Variants in PDE6G observed in about 807,000 individuals in gnomAD.
The protein encoded by PDE6G is phosphodiesterase 6G, also known as rod cGMP 3',5'-cyclic phosphodiesterase subunit gamma.
PDE6G carries 10 observed loss-of-function variants against 10.9 expected under a neutral mutation model. The observed-to-expected ratio is 0.91, with a 90% CI of 0.56 to 1.55. The LOEUF is 1.55. PDE6G is among the 40% of genes most tolerant of loss of function. The pLI, the probability that PDE6G is intolerant of heterozygous loss-of-function variation, is 0.00. For synonymous variants in PDE6G, 41 were observed against 42.8 expected, an observed-to-expected ratio of 0.96 and a Z score of 0.16; for missense variants, 102 against 110.1, an observed-to-expected ratio of 0.93 and a Z score of 0.33.
chr17:81,656,631 C>T (rs753644027), upstream of PDE6G: 14 of 710,880 alleles, frequency 2.0e-5, no homozygotes, highest in East Asian at 2.6e-4. Flanking sequence ...TGTTGGGCCC[C>T]GAGGGGGGGC....
chr17:81,651,265 G>A lies in PDE6G; in HGVS notation c.188-115C>T, dbSNP rs999099864. 1 of 776,868 alleles carries A rather than the reference G, an allele frequency of 1.3e-6. No individual in the cohort carries two copies. The highest frequency in any genetic ancestry group is 2.2e-6 in the Non-Finnish European group (1 of 448,560). 48.1% of individuals were successfully genotyped at this position (776,868 alleles called of 1,614,324 possible). A position where few individuals can be genotyped will look rare whatever the true frequency, so the allele number is the denominator to read the frequency against. ...GTAGCCCTACAGTGTGCTGAGCGGGGACGTGCGGACGCTGGAGTGGGGCCC... is the reference window on the plus strand; with the variant it reads ...GTAGCCCTACAGTGTGCTGAGCGGGAACGTGCGGACGCTGGAGTGGGGCCC... On this transcript the variant is annotated intron_variant, in intron 3 of 3. Transcript: ENST00000331056. This position sits in a 1 kb window ranked among gnomAD's most constrained non-coding sequence, Gnocchi z 4.8.
Position 81,653,525 on chromosome 17 carries a change from C to G in PDE6G, c.-59-161G>C. The G allele has an allele frequency of 1.7e-6, 1 of 589,592 alleles. No homozygotes were observed. Among genetic ancestry groups the G allele is most frequent in the Non-Finnish European group, 3.0e-6 (1 of 330,988 alleles). The allele number at this position is 589,592 out of a possible 1,614,324, so 36.5% of individuals were successfully genotyped here. ...CGCCCTGGGGTAACCAGCCTGCCAG[C>G]TTTGCTTGGGTCCACCCGCACGCTC... On this transcript the variant is annotated intron_variant, in intron 1 of 3. Coordinates refer to ENST00000331056, the MANE Select transcript of PDE6G (RefSeq NM_002602.4). This position sits in a 1 kb window ranked among gnomAD's most constrained non-coding sequence, Gnocchi z 5.2.
chr17:81,654,810 C>T (rs1041966419), intron 1 of PDE6G, among the ~76,000 whole-genome samples: 2 of 150,668 alleles, frequency 1.3e-5, no homozygotes, highest in Admixed American at 6.6e-5. Context: ...TGCAGTGGCA[C>T]GATCTCAGCT....
At chr17:81,659,759 G>A (rs11868728), upstream of PDE6G, among the ~76,000 whole-genome samples, 5,656 of 152,164 alleles carry the variant, frequency 0.037, 354 homozygotes, top group African/African-American at 0.13. Context: ...AGCCCTCTAC[G>A]TAATTGCTTG....
chr17:81,651,824 C>T lies in PDE6G; in HGVS notation c.147-139G>A. ...AGTGGGCAGAGACCCGCCTCCTCCCCAACCTCCCAGGGCTTGGCGCATCTG... is the reference window on the plus strand; with the variant it reads ...AGTGGGCAGAGACCCGCCTCCTCCCTAACCTCCCAGGGCTTGGCGCATCTG... On this transcript the variant is annotated intron_variant, in intron 2 of 3. Coordinates refer to ENST00000331056, the MANE Select transcript of PDE6G (RefSeq NM_002602.4). This position sits in a 1 kb window ranked among gnomAD's most constrained non-coding sequence, Gnocchi z 4.8. 1.1e-6 allele frequency: 1 copy of T among 887,044 alleles called. No individual in the cohort carries two copies. The highest frequency in any genetic ancestry group is 2.6e-5 in the East Asian group (1 of 37,990). The allele number at this position is 887,044 out of a possible 1,614,324, so 54.9% of individuals were successfully genotyped here. A position where few individuals can be genotyped will look rare whatever the true frequency, so the allele number is the denominator to read the frequency against.
chr17:81,652,279 T>C (rs990512666), intron 2 of PDE6G, among the ~76,000 whole-genome samples: 2 of 151,938 alleles, frequency 1.3e-5, no homozygotes, highest in Non-Finnish European at 2.9e-5. Context: ...AGTGGTTGTA[T>C]TTTTTTTATT....
chr17:81,656,750 T>G, upstream of PDE6G: 1 of 645,912 alleles, frequency 1.5e-6, no homozygotes, highest in Non-Finnish European at 2.8e-6. Flanking sequence ...AGTGTGACCC[T>G]GAACAGCCAG....
At chr17:81,657,761 A>G (rs932058740), upstream of PDE6G, among the ~76,000 whole-genome samples, 4 of 151,944 alleles carry the variant, frequency 2.6e-5, no homozygotes, top group East Asian at 1.9e-4. Flanking sequence ...TGTACCTGTA[A>G]TCCCAGCTAC....
At position 81,651,598 on chromosome 17, in the gene PDE6G, TG is replaced by T. The variant is rs760726888; in HGVS notation, c.187+46del. On this transcript the variant is annotated intron_variant, in intron 3 of 3. Transcript: ENST00000331056. The surrounding 1 kb of genome is among the most constrained non-coding windows in gnomAD (Gnocchi z 4.8). ...GGGCCCCGGGCGTGCTGGGTGTGCCTGGGGGGACCTGGGCAGACCTCGGGTT... is the reference window on the plus strand; with the variant it reads ...GGGCCCCGGGCGTGCTGGGTGTGCCTGGGGGACCTGGGCAGACCTCGGGTT... 7 of 1,591,736 alleles carry T rather than the reference TG, an allele frequency of 4.4e-6. No individual in the cohort carries two copies. In the Admixed American group the frequency reaches 6.7e-5, roughly 15 times the overall value.
chr17:81,656,425 G>A (rs1440895061), intron 1 of PDE6G, 68 bp downstream of exon 1: 1 of 716,728 alleles, frequency 1.4e-6, no homozygotes, highest in Non-Finnish European at 2.5e-6. Context: ...TGGGTGATGA[G>A]CAGACCCCCA....
At chr17:81,652,093 T>G (rs2036366895) in intron 2 of PDE6G, among the ~76,000 whole-genome samples, 1 of 152,154 alleles carries the variant, frequency 6.6e-6, no homozygotes, top group African/African-American at 2.4e-5. Flanking sequence ...CATGCCCGTG[T>G]GTGCGCACAC....
chr17:81,650,610 A>AC lies in PDE6G; in HGVS notation c.*463dup, dbSNP rs1480608488. 3.1e-5 allele frequency: 14 copies of AC among 454,012 alleles called. No individual in the cohort carries two copies. Among genetic ancestry groups the AC allele is most frequent in the Non-Finnish European group, 2.2e-5 (5 of 226,954 alleles). The allele number at this position is 454,012 out of a possible 1,614,324, so 28.1% of individuals were successfully genotyped here. ...TACCCAGCATGTCCAAACTAAGGGC[A>AC]CCCCCCTGGGAAGGGATGCAGAGAC... is the stretch of plus-strand genomic sequence containing the variant. On this transcript the variant is annotated 3_prime_UTR_variant, in exon 4 of 4. Transcript: ENST00000331056.
intron 1 of PDE6G, among the ~76,000 whole-genome samples, chr17:81,661,956 G>A (rs958288976): frequency 3.3e-5 from 5 of 151,406 alleles, no homozygotes; most frequent in Admixed American, 6.6e-5. Flanking sequence ...ACTTAATCCC[G>A]GGAGGCAGAG....
upstream of PDE6G, among the ~76,000 whole-genome samples, chr17:81,659,890 C>G (rs1332743175): frequency 8.5e-5 from 13 of 152,060 alleles, no homozygotes; most frequent in Admixed American, 8.5e-4. Flanking sequence ...AGTTGGAGAC[C>G]AGCCTGACCA....
Position 81,650,728 on chromosome 17 carries a change from G to A in PDE6G, c.*346C>T, listed in dbSNP as rs1355050837. 36 of 464,100 alleles carry A rather than the reference G, an allele frequency of 7.8e-5. No homozygotes were observed. The highest frequency in any genetic ancestry group is 7.5e-4 in the Admixed American group (32 of 42,730). The allele number at this position is 464,100 out of a possible 1,614,324, so 28.7% of individuals were successfully genotyped here. ...CCTGCCCTAGCTTTCCAGCTGGGAG[G>A]AGGGGACGATCTGGGGTCCAGCAGG... On this transcript the variant is annotated 3_prime_UTR_variant, in exon 4 of 4. Transcript: ENST00000331056.
In PDE6G at chr17:81,653,252, C is replaced by G; in HGVS notation, c.54G>C (p.Gly18=). The part of the protein sequence containing the change: ...AEFRSATRVA[G]GPVTPRKGPP... Reference sequence around the variant, plus strand: ...GCCCTTTCCTGGGGGTGACAGGTCCCCCGGCCACCCTGGTGGCTGACCGGA... The same window carrying G: ...GCCCTTTCCTGGGGGTGACAGGTCCGCCGGCCACCCTGGTGGCTGACCGGA... The change falls in exon 2 of 4, where the codon GGG becomes GGC. Residue 18 remains glycine (G), a synonymous_variant. Coordinates refer to ENST00000331056, the MANE Select transcript of PDE6G (RefSeq NM_002602.4). The surrounding 1 kb of genome is among the most constrained non-coding windows in gnomAD (Gnocchi z 5.2). 1 of 1,614,076 alleles carries G rather than the reference C, an allele frequency of 6.2e-7. No homozygotes were observed. The highest frequency in any genetic ancestry group is 8.5e-7 in the Non-Finnish European group (1 of 1,179,974).
At chr17:81,663,043 G>A (rs2036528268) in intron 1 of PDE6G, 1 of 152,234 alleles carries the variant, frequency 6.6e-6, no homozygotes, top group African/African-American at 2.4e-5. Flanking sequence ...CACGAGCACA[G>A]GATGAGGAAT....
chr17:81,653,822 G>GT lies in PDE6G; in HGVS notation c.-59-459dup. 1 of 162,290 alleles carries GT rather than the reference G, an allele frequency of 6.2e-6. No homozygotes were observed. Among genetic ancestry groups the GT allele is most frequent in the African/African-American group, 2.4e-5 (1 of 41,482 alleles). The allele number at this position is 162,290 out of a possible 1,614,324, so 10.1% of individuals were successfully genotyped here. A position where few individuals can be genotyped will look rare whatever the true frequency, so the allele number is the denominator to read the frequency against. On this transcript the variant is annotated intron_variant, in intron 1 of 3. Coordinates refer to ENST00000331056, the MANE Select transcript of PDE6G (RefSeq NM_002602.4). This position sits in a 1 kb window ranked among gnomAD's most constrained non-coding sequence, Gnocchi z 5.2. Reference sequence around the variant, plus strand: ...TCTGGGTTTTTTTTTGTTTTGTTTTGTTTTTGAGACAGAGTTTTGCTCTTG... The same window carrying GT: ...TCTGGGTTTTTTTTTGTTTTGTTTTGTTTTTTGAGACAGAGTTTTGCTCTTG...
At chr17:81,652,430 C>T (rs1568185786) in intron 2 of PDE6G, among the ~76,000 whole-genome samples, 1 of 152,086 alleles carries the variant, frequency 6.6e-6, no homozygotes, top group African/African-American at 2.4e-5. Context: ...GCGCCCGCCA[C>T]CACGCCCGGC....
Sources: allele counts gnomAD v4.1 joint callset (sites outside exome capture counted in the v4.1 genomes callset), GRCh38; gene constraint gnomAD v4.1.1; non-coding constraint Gnocchi (gnomAD v3.1); transcripts MANE v1.5; gene names NCBI Gene and HGNC (gene_info 2026-07-23, HGNC 2026-07-21).